Variants in NUS1 observed in about 807,000 individuals in gnomAD.
NUS1 encodes dehydrodolichyl diphosphate synthase complex subunit NUS1.
For synonymous variants in NUS1, 135 were observed against 155.2 expected (o/e 0.87, Z 0.97); for missense variants, 292 against 382.9 (o/e 0.76, Z 1.98).
At chr6:117,693,593 G>GA (rs1290601790) in intron 2 of NUS1, among the ~76,000 whole-genome samples, 1 of 152,146 alleles carries the variant, frequency 6.6e-6, no homozygotes, top group Non-Finnish European at 1.5e-5. Context: ...AAGTAGAATT[G>GA]ATAAAGGTAT....
rs1054633787 is a variant in NUS1, at chr6:117,710,279, T to G, written c.*3264T>G. 2 of 152,080 alleles carry G rather than the reference T, an allele frequency of 1.3e-5. No homozygotes were observed. The highest frequency in any genetic ancestry group is 2.4e-5 in the African/African-American group (1 of 41,432). 9.4% of individuals were successfully genotyped at this position (152,080 alleles called of 1,614,324 possible). A position where few individuals can be genotyped will look rare whatever the true frequency, so the allele number is the denominator to read the frequency against. On this transcript the variant is annotated 3_prime_UTR_variant, in exon 5 of 5. Transcript: ENST00000368494. The stretch of plus-strand genomic sequence containing the variant: ...GCATAGTTTTCATCTAAAATTAAGT[T>G]TACCAAAGGCAAATAACTGCTTACT...
In NUS1 at chr6:117,709,576, G is replaced by A. The variant is rs543425904; in HGVS notation, c.*2561G>A. On this transcript the variant is annotated 3_prime_UTR_variant, in exon 5 of 5. Transcript: ENST00000368494. ...TAATGAACAGTGCCAAATACACTGT[G>A]CATATCTGCAATTTAATCTTTGAAT... The A allele has an allele frequency of 8.0e-5, 12 of 150,422 alleles. No homozygotes were observed. The highest frequency in any genetic ancestry group is 2.9e-4 in the African/African-American group (12 of 40,760). 9.3% of individuals were successfully genotyped at this position (150,422 alleles called of 1,614,324 possible). A position where few individuals can be genotyped will look rare whatever the true frequency, so the allele number is the denominator to read the frequency against.
chr6:117,676,013 T>C lies in NUS1; in HGVS notation c.343T>C (p.Ser115Pro). ...CGAGGTGGAGCAGGAACCCAGCTTC[T>C]CGGACATCGCGAGCCTCGTGGTGTG... ...ITEVEQEPSFSDIASLVVWCM... is the reference protein window; with the variant it reads ...ITEVEQEPSFPDIASLVVWCM... The change falls in exon 1 of 5, where the codon TCG becomes CCG. Residue 115 changes from serine to proline, a missense_variant. Coordinates refer to ENST00000368494, the MANE Select transcript of NUS1 (RefSeq NM_138459.5). 1 of 1,549,742 alleles carries C rather than the reference T, an allele frequency of 6.5e-7. No homozygotes were observed. The highest frequency in any genetic ancestry group is 8.7e-7 in the Non-Finnish European group (1 of 1,146,920).
In NUS1 at chr6:117,704,945, T is replaced by TA. The variant is rs769116404; in HGVS notation, c.791+1242dup. ...TTGAGTGAGAAGTCAAGGCTAAAGA[T>TA]ACATGTTTGGGGATCATCATAACCT... On this transcript the variant is annotated intron_variant, in intron 4 of 4. Coordinates refer to ENST00000368494, the MANE Select transcript of NUS1 (RefSeq NM_138459.5). Among the ~76,000 whole-genome samples, 94 of 152,320 alleles carry TA rather than the reference T, an allele frequency of 6.2e-4. 1 individual carries two copies. The highest frequency in any genetic ancestry group is 3.4e-3 in the Middle Eastern group (1 of 294).
At chr6:117,704,004 AGAGAAAAGGC>A (rs1342614941) in intron 4 of NUS1, among the ~76,000 whole-genome samples, 1 of 152,176 alleles carries the variant, frequency 6.6e-6, no homozygotes, top group Non-Finnish European at 1.5e-5. Context: ...TTTCTTATTT[AGAGAAAAGGC>A]GAGAAGGGGG....
At chr6:117,705,967 G>GT (rs1773494157) in intron 4 of NUS1, among the ~76,000 whole-genome samples, 1 of 152,092 alleles carries the variant, frequency 6.6e-6, no homozygotes, top group Admixed American at 6.6e-5. Flanking sequence ...TATAGCTAAA[G>GT]ACAGGCAGGA....
At chr6:117,693,287 A>G (rs1773269084) in intron 2 of NUS1, 120 bp downstream of exon 2, 6 of 1,031,028 alleles carry the variant, frequency 5.8e-6, no homozygotes, top group African/African-American at 4.9e-5. Flanking sequence ...TTTATTGTCA[A>G]CATCTTTAAT....
At position 117,710,307 on chromosome 6, in the gene NUS1, G is replaced by C. The variant is rs540973427; in HGVS notation, c.*3292G>C. ...CCAAAGGCAAATAACTGCTTACTAG[G>C]AACTTCCTTTAGCAAAAATTACTAT... On this transcript the variant is annotated 3_prime_UTR_variant, in exon 5 of 5. Transcript: ENST00000368494. 2 of 152,074 alleles carry C rather than the reference G, an allele frequency of 1.3e-5. No individual in the cohort carries two copies. Among genetic ancestry groups the C allele is most frequent in the Admixed American group, 1.3e-4 (2 of 15,276 alleles). The allele number at this position is 152,074 out of a possible 1,614,324, so 9.4% of individuals were successfully genotyped here. A position where few individuals can be genotyped will look rare whatever the true frequency, so the allele number is the denominator to read the frequency against.
chr6:117,682,746 G>T (rs1041708506), intron 1 of NUS1, among the ~76,000 whole-genome samples: 16 of 152,210 alleles, frequency 1.1e-4, no homozygotes, highest in African/African-American at 3.9e-4. Context: ...TCCAAATCTA[G>T]TAAGGAGCAG....
At chr6:117,689,236 T>A (rs950320943) in intron 1 of NUS1, among the ~76,000 whole-genome samples, 1 of 152,136 alleles carries the variant, frequency 6.6e-6, no homozygotes, top group Non-Finnish European at 1.5e-5. Context: ...AGGTAGTGAA[T>A]ATTCTGGTGA....
chr6:117,695,453 G>A (rs1286986938), intron 3 of NUS1, among the ~76,000 whole-genome samples: 2 of 152,032 alleles, frequency 1.3e-5, no homozygotes, highest in Non-Finnish European at 2.9e-5. Flanking sequence ...AGATGTTACT[G>A]GGATGTTGAC....
intron 1 of NUS1, among the ~76,000 whole-genome samples, chr6:117,687,277 A>G (rs1271866544): frequency 3.9e-5 from 6 of 152,182 alleles, no homozygotes; most frequent in Non-Finnish European, 8.8e-5. Flanking sequence ...TTTATGTTTC[A>G]TTATTGTTAA....
chr6:117,698,080 A>G (rs1316983264), intron 3 of NUS1, among the ~76,000 whole-genome samples: 1 of 152,110 alleles, frequency 6.6e-6, no homozygotes, highest in Non-Finnish European at 1.5e-5. Flanking sequence ...AAAAATTAAG[A>G]AGGAAATTGA....
intron 1 of NUS1, among the ~76,000 whole-genome samples, chr6:117,688,689 G>T (rs1773175309): frequency 6.6e-6 from 1 of 152,130 alleles, no homozygotes; most frequent in Non-Finnish European, 1.5e-5. Context: ...GTTTGGCTTT[G>T]TTCACTCTCG....
intron 1 of NUS1, among the ~76,000 whole-genome samples, chr6:117,682,633 A>G (rs1773077866): frequency 6.6e-6 from 1 of 152,196 alleles, no homozygotes; most frequent in Admixed American, 6.5e-5. Context: ...CTTAAGCGTA[A>G]TAATTATCCT....
chr6:117,693,912 C>A (rs1027239254), intron 2 of NUS1, 119 bp from the exon 3 acceptor site: 2 of 1,082,888 alleles, frequency 1.8e-6, no homozygotes, highest in Non-Finnish European at 2.6e-6. Context: ...TTAAAAAATT[C>A]TTGTTTACTG....
intron 3 of NUS1, among the ~76,000 whole-genome samples, chr6:117,702,379 AGTT>A: frequency 6.6e-6 from 1 of 152,312 alleles, no homozygotes; most frequent in South Asian, 2.1e-4. Context: ...GTAAAATGTA[AGTT>A]CTCTCCAGTT....
At chr6:117,684,761 T>C (rs978728065) in intron 1 of NUS1, among the ~76,000 whole-genome samples, 3 of 152,154 alleles carry the variant, frequency 2.0e-5, no homozygotes, top group African/African-American at 7.2e-5. Flanking sequence ...ATTCCTATAA[T>C]AGCAATCACC....
intron 1 of NUS1, among the ~76,000 whole-genome samples, chr6:117,680,435 CTT>C (rs1263716802): frequency 6.6e-6 from 1 of 152,170 alleles, no homozygotes; most frequent in African/African-American, 2.4e-5. Context: ...AGTGATGGAA[CTT>C]GTTCTTATTT....
Sources: allele counts gnomAD v4.1 joint callset (sites outside exome capture counted in the v4.1 genomes callset), GRCh38; gene constraint gnomAD v4.1.1; transcripts MANE v1.5; gene names NCBI Gene and HGNC (gene_info 2026-07-23, HGNC 2026-07-21).